KALRN: variants seen among roughly 807,000 people sequenced by gnomAD.
KALRN encodes the protein kalirin.
A neutral mutation model predicts 353.7 loss-of-function variants in KALRN; 70 were observed. The observed-to-expected ratio is 0.20, with a 90% CI of 0.16 to 0.24. The LOEUF is 0.24. Ranked by LOEUF, KALRN falls within the 10% of genes least tolerant of loss-of-function variation. The probability of loss-of-function intolerance (pLI) is 1.00; values close to 1 mark genes in which losing one functional copy is unlikely to be tolerated. For missense variants in KALRN, 2,791 were observed against 3,756.7 expected, an observed-to-expected ratio of 0.74 and a Z score of 6.72; for synonymous variants, 1,391 against 1,434.8, an observed-to-expected ratio of 0.97 and a Z score of 0.69.
intron 3 of KALRN, among the ~76,000 whole-genome samples, chr3:124,244,324 G>A (rs1295168233): frequency 1.3e-5 from 2 of 151,968 alleles, no homozygotes; most frequent in Non-Finnish European, 2.9e-5. Context: ...TGCAACCTCC[G>A]CCTCCTTGGT....
In KALRN at chr3:124,722,122, A is replaced by C. The variant is rs2063364858; in HGVS notation, c.*2652A>C. 6.6e-6 allele frequency: 1 copy of C among 152,322 alleles called. No homozygotes were observed. Among genetic ancestry groups the C allele is most frequent in the Non-Finnish European group, 1.5e-5 (1 of 68,164 alleles). 9.4% of individuals were successfully genotyped at this position (152,322 alleles called of 1,614,324 possible). A position where few individuals can be genotyped will look rare whatever the true frequency, so the allele number is the denominator to read the frequency against. On this transcript the variant is annotated 3_prime_UTR_variant, in exon 60 of 60. Transcript: ENST00000682506. ...TGAGCCATTCTGAGTTTTTATAACA[A>C]GTTGAGTTTCTGCTTGAGAAGGCCA...
rs894704911 is a variant in KALRN, at chr3:124,316,448, C to A, written c.1093-9532C>A. The stretch of plus-strand genomic sequence containing the variant: ...TTACTGGGATCCAATAGACTGAACT[C>A]CACTTACTTTTCACATCTCAGCCTC... On this transcript the variant is annotated intron_variant, in intron 6 of 59. Transcript: ENST00000682506. 8.5e-5 allele frequency among the ~76,000 whole-genome samples: 13 copies of A among 152,334 alleles called. 1 individual carries two copies. Among genetic ancestry groups the A allele is most frequent in the Middle Eastern group, 3.4e-3 (1 of 294 alleles).
chr3:124,498,460 T>C (rs1304856501), intron 33 of KALRN, among the ~76,000 whole-genome samples: 1 of 152,184 alleles, frequency 6.6e-6, no homozygotes, highest in East Asian at 1.9e-4. Context: ...AGGAGATACT[T>C]GTGGAATAAA....
At chr3:124,237,389 G>A (rs2079914424) in intron 3 of KALRN, among the ~76,000 whole-genome samples, 1 of 138,100 alleles carries the variant, frequency 7.2e-6, no homozygotes, top group Non-Finnish European at 1.5e-5. Flanking sequence ...TTGAGACTGA[G>A]TCTCACTCTA....
chr3:124,685,095 G>A (rs1191650928), intron 51 of KALRN, among the ~76,000 whole-genome samples: 9 of 152,098 alleles, frequency 5.9e-5, no homozygotes, highest in Admixed American at 2.6e-4. Context: ...GCCTGGTTCC[G>A]CATTTTATAA....
chr3:124,269,001 G>A lies in KALRN; in HGVS notation c.715G>A (p.Val239Met). Residue 239 changes from valine to methionine, a missense_variant, in exon 5 of 60, where the codon GTG (valine) becomes ATG (methionine). This residue lies in a region of KALRN where 366 missense variants were observed against 489.2 expected (regional missense o/e 0.75). Transcript: ENST00000682506. ...CGAACACACACAGCTCAAGAAAAAG[G>A]TGCTGAAGGCCCCTGTGGAGGAGCT... ...IDEHTQLKKK[V>M]LKAPVEELDR... The A allele has an allele frequency of 6.2e-7, 1 of 1,614,062 alleles. No homozygotes were observed. Among genetic ancestry groups the A allele is most frequent in the Non-Finnish European group, 8.5e-7 (1 of 1,179,972 alleles).
intron 3 of KALRN, among the ~76,000 whole-genome samples, chr3:124,262,803 C>A (rs1464470073): frequency 1.3e-5 from 2 of 152,140 alleles, no homozygotes; most frequent in African/African-American, 4.8e-5. Flanking sequence ...GGCCTTACTG[C>A]CAGCAGCTGT....
chr3:124,597,106 T>C (rs868230878), intron 34 of KALRN, among the ~76,000 whole-genome samples: 2 of 152,224 alleles, frequency 1.3e-5, no homozygotes, highest in South Asian at 2.1e-4. Context: ...AGTACATAGA[T>C]GTCTCTGTGG....
chr3:124,186,079 TA>T (rs1180035473), intron 1 of KALRN, among the ~76,000 whole-genome samples: 1 of 152,196 alleles, frequency 6.6e-6, no homozygotes, highest in Admixed American at 6.5e-5. Context: ...CCAGCTTTTT[TA>T]CCATGGTTTC....
intron 16 of KALRN, among the ~76,000 whole-genome samples, chr3:124,431,015 T>C (rs1052118668): frequency 6.6e-6 from 1 of 152,242 alleles, no homozygotes; most frequent in Admixed American, 6.5e-5. Flanking sequence ...AGAATCTTTG[T>C]TACCTATCAG....
intron 33 of KALRN, among the ~76,000 whole-genome samples, chr3:124,550,911 C>A (rs1288741882): frequency 6.6e-6 from 1 of 152,100 alleles, no homozygotes; most frequent in Non-Finnish European, 1.5e-5. Context: ...ATGGCATGAA[C>A]CCGGGAGATG....
chr3:124,300,984 A>G (rs2077221547), intron 6 of KALRN, among the ~76,000 whole-genome samples: 1 of 152,326 alleles, frequency 6.6e-6, no homozygotes. Flanking sequence ...AAGTCTGATT[A>G]TTTGTGTGCC....
chr3:124,665,130 A>C (rs2085452080), intron 45 of KALRN, among the ~76,000 whole-genome samples: 1 of 152,206 alleles, frequency 6.6e-6, no homozygotes, highest in Admixed American at 6.5e-5. Context: ...TGTTTGGAAT[A>C]AGGCATCACA....
At chr3:124,102,309 G>A (rs1356861624) in intron 1 of KALRN, among the ~76,000 whole-genome samples, 1 of 152,124 alleles carries the variant, frequency 6.6e-6, no homozygotes, top group Non-Finnish European at 1.5e-5. Context: ...CTATACCAGA[G>A]CCTCACCAGC....
intron 33 of KALRN, chr3:124,519,295 C>T: frequency 1.0e-6 from 1 of 974,812 alleles, no homozygotes; most frequent in Non-Finnish European, 1.2e-6. Context: ...ATTCTCCCCA[C>T]TTCTGTATTT....
chr3:124,569,918 A>T (rs1159602370), intron 34 of KALRN, among the ~76,000 whole-genome samples: 1 of 152,086 alleles, frequency 6.6e-6, no homozygotes, highest in Non-Finnish European at 1.5e-5. Flanking sequence ...GAGCAGAATG[A>T]CTCCAAGGAG....
intron 33 of KALRN, among the ~76,000 whole-genome samples, chr3:124,513,830 C>A (rs962861911): frequency 6.6e-6 from 1 of 152,116 alleles, no homozygotes; most frequent in Non-Finnish European, 1.5e-5. Context: ...GGTGGGCATA[C>A]CTCCGCACCA....
At chr3:124,284,902 T>C (rs2075686911) in intron 5 of KALRN, among the ~76,000 whole-genome samples, 1 of 152,230 alleles carries the variant, frequency 6.6e-6, no homozygotes, top group Non-Finnish European at 1.5e-5. Context: ...GGATTCTTTC[T>C]ATCTCACTCC....
intron 23 of KALRN, among the ~76,000 whole-genome samples, chr3:124,460,456 T>C (rs2059741937): frequency 6.6e-6 from 1 of 152,184 alleles, no homozygotes; most frequent in African/African-American, 2.4e-5. Context: ...AGAACAATTC[T>C]AGAAAACTTA....
Sources: gnomAD v4.1 joint callset for allele counts (sites outside exome capture counted in the v4.1 genomes callset) on GRCh38, gnomAD v4.1.1 for gene constraint, gnomAD v4.1.1 regional missense constraint, MANE v1.5 for transcripts, NCBI Gene and HGNC (gene_info 2026-07-23, HGNC 2026-07-21) for gene names.